CLDN16: variants seen among roughly 807,000 people sequenced by gnomAD.
CLDN16 encodes claudin-16.
Under a neutral mutation model 24.6 loss-of-function variants are expected in CLDN16, and 13 were observed. The observed-to-expected ratio is 0.53, with a 90% confidence interval of 0.34 to 0.84. The LOEUF is 0.84. Among genes scored for constraint, CLDN16 ranks in the 40% least tolerant of loss-of-function variants. The probability of loss-of-function intolerance (pLI) is 0.01; values close to 1 mark genes in which losing one functional copy is unlikely to be tolerated. For missense variants in CLDN16, 298 were observed against 292.7 expected (o/e 1.02, Z -0.13); for synonymous variants, 116 against 106.7 (o/e 1.09, Z -0.54).
At chr3:190,301,951 G>A in the CLDN16 span, among the ~76,000 whole-genome samples, 489 of 152,246 alleles carry the variant, frequency 3.2e-3, 1 homozygote, top group African/African-American at 0.011. Flanking sequence ...TTCATTCAAA[G>A]TAAAAGAGGA....
rs745420355 is a variant in CLDN16, at chr3:190,404,868, T to C, written c.324T>C (p.Asp108=). 6.8e-6 allele frequency: 11 copies of C among 1,614,178 alleles called. No individual in the cohort carries two copies. In the Admixed American group the frequency reaches 1.7e-4, roughly 24 times the overall value. Reference sequence around the variant, plus strand: ...TTGACTGCGTGAAATTCCTCCCTGATGAGCCGTACATTAAAGTCCGCATCT... The same window carrying C: ...TTGACTGCGTGAAATTCCTCCCTGACGAGCCGTACATTAAAGTCCGCATCT... ...LGLDCVKFLP[D]EPYIKVRICF... The change falls in exon 3 of 5, where the codon GAT becomes GAC. Residue 108 remains aspartate (D), a synonymous_variant. Coordinates refer to ENST00000264734, the MANE Select transcript of CLDN16 (RefSeq NM_006580.4).
At chr3:190,396,191 A>C (rs1718813375) in intron 1 of CLDN16, among the ~76,000 whole-genome samples, 1 of 152,168 alleles carries the variant, frequency 6.6e-6, no homozygotes, top group Non-Finnish European at 1.5e-5. Flanking sequence ...CTGTAACTCA[A>C]GTTGGAAGAG....
chr3:190,291,540 T>C, the CLDN16 span, among the ~76,000 whole-genome samples: 2 of 152,032 alleles, frequency 1.3e-5, no homozygotes, highest in Admixed American at 1.3e-4. Context: ...TCACCTCCCA[T>C]CAGGTCCCTC....
intron 1 of CLDN16, among the ~76,000 whole-genome samples, chr3:190,389,982 T>C (rs977899188): frequency 1.3e-5 from 2 of 152,218 alleles, no homozygotes; most frequent in African/African-American, 4.8e-5. Flanking sequence ...GAAATAGTTT[T>C]AGAAAGGGTC....
upstream of CLDN16, among the ~76,000 whole-genome samples, chr3:190,318,123 T>C (rs552921687): frequency 3.9e-5 from 6 of 152,302 alleles, no homozygotes; most frequent in African/African-American, 1.2e-4. Flanking sequence ...TTCCCTCTTA[T>C]TGGTGCATGA....
At chr3:190,364,502 T>C (rs1271392109) in intron 1 of CLDN16, among the ~76,000 whole-genome samples, 1 of 151,900 alleles carries the variant, frequency 6.6e-6, no homozygotes, top group Non-Finnish European at 1.5e-5. Context: ...AGATCCTCCA[T>C]CTCTACCAGA....
intron 4 of CLDN16, 141 bp downstream of exon 4, chr3:190,408,646 G>A: frequency 1.3e-6 from 1 of 770,034 alleles, no homozygotes; most frequent in South Asian, 1.7e-5. Context: ...TTGTTCAAGG[G>A]CAATTGAATT....
In CLDN16 at chr3:190,401,011, C is replaced by T. The variant is rs143386483; in HGVS notation, c.115-1326C>T. ...ATGGATGATAAATAATATCTCTTAACGTCCCTTAAGAAATAAGAAAAATAA... is the reference window on the plus strand; with the variant it reads ...ATGGATGATAAATAATATCTCTTAATGTCCCTTAAGAAATAAGAAAAATAA... On this transcript the variant is annotated intron_variant, in intron 1 of 4. Transcript: ENST00000264734. Among the ~76,000 whole-genome samples the T allele has an allele frequency of 3.0e-3, 459 of 152,190 alleles. 17 individuals carry two copies. The highest frequency in any genetic ancestry group is 0.028 in the Admixed American group (424 of 15,298).
intron 1 of CLDN16, among the ~76,000 whole-genome samples, chr3:190,353,610 C>A (rs1359573167): frequency 6.6e-6 from 1 of 152,062 alleles, no homozygotes; most frequent in African/African-American, 2.4e-5. Context: ...ACATTCAAGG[C>A]ACAATATACA....
At chr3:190,347,770 G>A (rs143818557) in intron 1 of CLDN16, among the ~76,000 whole-genome samples, 181 of 152,256 alleles carry the variant, frequency 1.2e-3, no homozygotes, top group African/African-American at 4.1e-3. Flanking sequence ...ATGAAAGTAG[G>A]TTTCTCTGAA....
At chr3:190,307,453 C>CA in the CLDN16 span, 2 of 152,164 alleles carry the variant, frequency 1.3e-5, no homozygotes, top group Non-Finnish European at 2.9e-5. Flanking sequence ...TCAAAGCAAA[C>CA]AAGAGTGCTA....
rs114560214 is a variant in CLDN16 at position 190,407,327 on chromosome 3, T to C, written c.383-987T>C. Among the ~76,000 whole-genome samples, 532 of 152,204 alleles carry C rather than the reference T, an allele frequency of 3.5e-3. 4 individuals are homozygous for C. The highest frequency in any genetic ancestry group is 0.012 in the African/African-American group (497 of 41,518). ...GAAGGAAAAGTAGGATCCAGTTATT[T>C]GGGTGTTGGTGGGCAAGATCTTAAC... On this transcript the variant is annotated intron_variant, in intron 3 of 4. Transcript: ENST00000264734.
chr3:190,353,504 A>G (rs978070014), intron 1 of CLDN16, among the ~76,000 whole-genome samples: 4 of 152,062 alleles, frequency 2.6e-5, no homozygotes, highest in African/African-American at 9.7e-5. Context: ...AGTTATGTCT[A>G]TGGACCACAA....
chr3:190,303,552 A>G, the CLDN16 span, among the ~76,000 whole-genome samples: 7 of 152,138 alleles, frequency 4.6e-5, no homozygotes, highest in African/African-American at 1.7e-4. Context: ...ATAAATTACA[A>G]AAATAATGAA....
chr3:190,370,257 T>G (rs1718110287), intron 1 of CLDN16, among the ~76,000 whole-genome samples: 2 of 152,004 alleles, frequency 1.3e-5, no homozygotes, highest in African/African-American at 4.8e-5. Context: ...AGGTTTTGCT[T>G]CTTCAGCTAT....
At chr3:190,303,794 T>C in the CLDN16 span, among the ~76,000 whole-genome samples, 2 of 152,226 alleles carry the variant, frequency 1.3e-5, no homozygotes, top group African/African-American at 4.8e-5. Context: ...AAATTAAAAA[T>C]AATAGAGAAA....
chr3:190,319,885 C>T (rs913932101), upstream of CLDN16, among the ~76,000 whole-genome samples: 12 of 152,190 alleles, frequency 7.9e-5, no homozygotes, highest in African/African-American at 2.9e-4. Context: ...TGGGTTCTAT[C>T]CAAAAGCATC....
chr3:190,410,975 T>G lies in CLDN16; in HGVS notation c.*939T>G, dbSNP rs1298437823. The stretch of plus-strand genomic sequence containing the variant: ...TTCACGACTTTACTTAAAAAATCAA[T>G]GTTGCGGCTGGGCACGGTAGCTCGC... On this transcript the variant is annotated 3_prime_UTR_variant, in exon 5 of 5. Transcript: ENST00000264734. The G allele has an allele frequency of 6.6e-6, 1 of 152,146 alleles. No individual in the cohort carries two copies. The highest frequency in any genetic ancestry group is 2.4e-5 in the African/African-American group (1 of 41,442). 9.4% of individuals were successfully genotyped at this position (152,146 alleles called of 1,614,324 possible).
chr3:190,376,021 T>C (rs1166351795), intron 3 of CLDN16, among the ~76,000 whole-genome samples: 1 of 151,894 alleles, frequency 6.6e-6, no homozygotes, highest in Non-Finnish European at 1.5e-5. Flanking sequence ...TATTCTCTTG[T>C]ACTTTTTGTT....
Sources: allele counts gnomAD v4.1 joint callset (sites outside exome capture counted in the v4.1 genomes callset), GRCh38; gene constraint gnomAD v4.1.1; transcripts MANE v1.5; gene names NCBI Gene and HGNC (gene_info 2026-07-23, HGNC 2026-07-21).